GRIN2A: variants seen among roughly 807,000 people sequenced by gnomAD.
GRIN2A encodes the protein glutamate ionotropic receptor NMDA type subunit 2A.
A neutral mutation model predicts 113.4 loss-of-function variants in GRIN2A; 22 were observed. The observed-to-expected ratio is 0.19, with a 90% CI of 0.14 to 0.28. GRIN2A has a LOEUF of 0.28. Ranked by LOEUF, GRIN2A falls within the 10% of genes least tolerant of loss-of-function variation. The pLI, the probability that GRIN2A is intolerant of heterozygous loss-of-function variation, is 1.00. For synonymous variants in GRIN2A, 827 were observed against 738.4 expected (o/e 1.12, Z -1.94); for missense variants, 1,502 against 1,887.0 (o/e 0.80, Z 3.78).
intron 2 of GRIN2A, among the ~76,000 whole-genome samples, chr16:9,963,409 T>C (rs2045482117): frequency 6.6e-6 from 1 of 152,076 alleles, no homozygotes; most frequent in Admixed American, 6.5e-5. Context: ...ATTAGGTATT[T>C]GTCCTAATGC....
At chr16:10,109,880 CAA>C (rs949501978) in intron 2 of GRIN2A, among the ~76,000 whole-genome samples, 1 of 145,966 alleles carries the variant, frequency 6.9e-6, no homozygotes, top group Non-Finnish European at 1.5e-5. Context: ...TATGTACCCA[CAA>C]AAAAAATAAA....
chr16:9,943,733 T>C (rs762891068), intron 2 of GRIN2A, among the ~76,000 whole-genome samples: 24 of 152,202 alleles, frequency 1.6e-4, no homozygotes, highest in Non-Finnish European at 2.1e-4. Flanking sequence ...CATCGTGAGA[T>C]GCATCCAGTT....
At chr16:9,994,403 G>T (rs931747383) in intron 2 of GRIN2A, among the ~76,000 whole-genome samples, 1 of 152,058 alleles carries the variant, frequency 6.6e-6, no homozygotes, top group Non-Finnish European at 1.5e-5. Flanking sequence ...AGCCCTCCTC[G>T]TCCCCAGGTG....
At chr16:9,820,620 C>A (rs2042263762) in intron 10 of GRIN2A, among the ~76,000 whole-genome samples, 1 of 152,132 alleles carries the variant, frequency 6.6e-6, no homozygotes, top group Admixed American at 6.5e-5. Flanking sequence ...CTTGCAAACA[C>A]AATGTTGAGC....
At chr16:9,833,014 T>G (rs1005962416) in intron 8 of GRIN2A, among the ~76,000 whole-genome samples, 2 of 152,212 alleles carry the variant, frequency 1.3e-5, no homozygotes, top group African/African-American at 4.8e-5. Context: ...CTCTGCTTTT[T>G]GGGGGATATG....
chr16:9,961,098 C>A (rs907108722), intron 2 of GRIN2A, among the ~76,000 whole-genome samples: 2 of 152,160 alleles, frequency 1.3e-5, no homozygotes, highest in East Asian at 3.8e-4. Context: ...GACTTTAGCA[C>A]CCAAAAGACT....
intron 10 of GRIN2A, among the ~76,000 whole-genome samples, chr16:9,802,860 C>A (rs1030129094): frequency 6.6e-6 from 1 of 152,160 alleles, no homozygotes. Flanking sequence ...GGGGGTCCCA[C>A]GTGCCTATGG....
intron 2 of GRIN2A, among the ~76,000 whole-genome samples, chr16:10,074,563 A>C (rs1169513452): frequency 1.3e-5 from 2 of 152,258 alleles, no homozygotes; most frequent in East Asian, 3.8e-4. Context: ...AAAGGAATGA[A>C]GTACTGATAC....
rs769845443 is a variant in GRIN2A at position 9,784,098 on chromosome 16, G to A, written c.2356+14179C>T. Among the ~76,000 whole-genome samples the A allele has an allele frequency of 7.9e-5, 12 of 152,188 alleles. No homozygotes were observed. In the East Asian group the frequency reaches 1.5e-3, roughly 20 times the overall value. ...ACAAGTTTACCTATATAGCAAACCC[G>A]TACATGTACCCATGAACTTCCAACA... On this transcript the variant is annotated intron_variant, in intron 11 of 12. Transcript: ENST00000330684.
intron 11 of GRIN2A, among the ~76,000 whole-genome samples, chr16:9,789,458 T>C (rs1223233959): frequency 6.6e-6 from 1 of 152,162 alleles, no homozygotes; most frequent in Non-Finnish European, 1.5e-5. Flanking sequence ...TTCTGACTTA[T>C]GTTGCTGACT....
At chr16:9,825,493 G>C (rs2042370693) in intron 9 of GRIN2A, among the ~76,000 whole-genome samples, 1 of 152,176 alleles carries the variant, frequency 6.6e-6, no homozygotes, top group Non-Finnish European at 1.5e-5. Context: ...GATGATGGAG[G>C]AGGTAGAGAT....
intron 2 of GRIN2A, among the ~76,000 whole-genome samples, chr16:10,091,046 A>T (rs1464492192): frequency 6.6e-6 from 1 of 152,228 alleles, no homozygotes; most frequent in Non-Finnish European, 1.5e-5. Flanking sequence ...GACAACACCA[A>T]GTGTTGGCAA....
chr16:9,878,148 A>G (rs2043408774), intron 4 of GRIN2A, among the ~76,000 whole-genome samples: 1 of 152,096 alleles, frequency 6.6e-6, no homozygotes, highest in African/African-American at 2.4e-5. Context: ...CAGCTTAATC[A>G]TGCTCCCATC....
At chr16:10,014,051 C>T (rs536224808) in intron 2 of GRIN2A, among the ~76,000 whole-genome samples, 92 of 152,324 alleles carry the variant, frequency 6.0e-4, no homozygotes, top group Non-Finnish European at 1.2e-3. Context: ...TATTTGATGC[C>T]TGTGTCCCCG....
chr16:10,060,646 C>A (rs914277537), intron 2 of GRIN2A, among the ~76,000 whole-genome samples: 2 of 152,286 alleles, frequency 1.3e-5, no homozygotes, highest in South Asian at 4.2e-4. Context: ...ACTTTTAGCA[C>A]CATCTTCATT....
At chr16:10,053,155 A>G (rs886462790) in intron 2 of GRIN2A, among the ~76,000 whole-genome samples, 1 of 152,180 alleles carries the variant, frequency 6.6e-6, no homozygotes, top group Non-Finnish European at 1.5e-5. Context: ...ACAACAGTGA[A>G]TGGAGAAGAG....
At chr16:9,925,430 T>C (rs942400845) in intron 3 of GRIN2A, among the ~76,000 whole-genome samples, 1 of 152,196 alleles carries the variant, frequency 6.6e-6, no homozygotes, top group East Asian at 1.9e-4. Flanking sequence ...AGTATTCAGC[T>C]CAACACTAAG....
chr16:10,172,921 G>C (rs2050071129), intron 2 of GRIN2A, among the ~76,000 whole-genome samples: 1 of 152,076 alleles, frequency 6.6e-6, no homozygotes, highest in African/African-American at 2.4e-5. Flanking sequence ...TTTCTCTTCT[G>C]CACAGCCCTC....
intron 2 of GRIN2A, among the ~76,000 whole-genome samples, chr16:10,067,596 C>T (rs142971443): frequency 1.1e-4 from 16 of 152,178 alleles, no homozygotes; most frequent in African/African-American, 3.9e-4. Flanking sequence ...GGGAGGACTG[C>T]GTGAAGACAG....
Sources: gnomAD v4.1 joint callset for allele counts (sites outside exome capture counted in the v4.1 genomes callset) on GRCh38, gnomAD v4.1.1 for gene constraint, MANE v1.5 for transcripts, NCBI Gene and HGNC (gene_info 2026-07-23, HGNC 2026-07-21) for gene names.